SPAG16: variants seen among roughly 807,000 people sequenced by gnomAD.
The protein encoded by SPAG16 is sperm associated antigen 16.
In SPAG16, 86 loss-of-function variants were observed where a neutral mutation model predicts 80.4. The observed-to-expected ratio is 1.07, with a 90% CI of 0.90 to 1.28. SPAG16 has a LOEUF of 1.28. Ranked by LOEUF, SPAG16 falls within the 50% of genes most tolerant of loss-of-function variation. The pLI, the probability that SPAG16 is intolerant of heterozygous loss-of-function variation, is 0.00. For missense variants in SPAG16, 870 were observed against 765.3 expected (o/e 1.14, Z -1.61); for synonymous variants, 294 against 265.9 (o/e 1.11, Z -1.03).
At chr2:213,630,689 T>C (rs2062118035) in intron 10 of SPAG16, among the ~76,000 whole-genome samples, 1 of 152,102 alleles carries the variant, frequency 6.6e-6, no homozygotes, top group Non-Finnish European at 1.5e-5. Context: ...TTTAGAGACC[T>C]CCAAAACATA....
Position 213,715,230 on chromosome 2 carries a change from A to ATCTG in SPAG16, c.1071-147252_1071-147251insGTCT, listed in dbSNP as rs1559402568. Among the ~76,000 whole-genome samples the ATCTG allele has an allele frequency of 2.3e-4, 32 of 139,792 alleles. No individual in the cohort carries two copies. In the South Asian group the frequency reaches 3.3e-3, roughly 14 times the overall value. The allele number at this position is 139,792 out of a possible 152,430, so 91.7% of individuals were successfully genotyped here. On this transcript the variant is annotated intron_variant, in intron 10 of 15. Transcript: ENST00000331683. The stretch of plus-strand genomic sequence containing the variant: ...GTTAGGTAGATCTATCTGTCTATCT[A>ATCTG]TCTATCTATCTATCTATCTATCTAT...
chr2:214,377,527 A>G (rs1010532192), intron 15 of SPAG16, among the ~76,000 whole-genome samples: 1 of 152,144 alleles, frequency 6.6e-6, no homozygotes, highest in Admixed American at 6.6e-5. Flanking sequence ...TCTTAATAAC[A>G]TTTTCTTTTC....
chr2:213,718,761 C>A lies in SPAG16; in HGVS notation c.1071-143724C>A, dbSNP rs571822037. Among the ~76,000 whole-genome samples the A allele has an allele frequency of 2.0e-5, 3 of 152,312 alleles. No homozygotes were observed. In the East Asian group the frequency reaches 5.8e-4, roughly 29 times the overall value. The stretch of plus-strand genomic sequence containing the variant: ...GGCTCGGGACCTGCAGCCCGCCATG[C>A]CTGAGCCTCCCACCCACTCCATGGG... On this transcript the variant is annotated intron_variant, in intron 10 of 15. Coordinates refer to ENST00000331683, the MANE Select transcript of SPAG16 (RefSeq NM_024532.5).
intron 10 of SPAG16, among the ~76,000 whole-genome samples, chr2:213,608,160 A>G (rs1043478688): frequency 6.6e-6 from 1 of 152,000 alleles, no homozygotes; most frequent in African/African-American, 2.4e-5. Context: ...GATAGATATT[A>G]TACTTTCCAT....
At chr2:213,893,191 A>G (rs1276120163) in intron 11 of SPAG16, among the ~76,000 whole-genome samples, 3 of 152,208 alleles carry the variant, frequency 2.0e-5, no homozygotes, top group African/African-American at 2.4e-5. Context: ...GAAAATCACC[A>G]TACAAGAATA....
intron 6 of SPAG16, among the ~76,000 whole-genome samples, chr2:213,348,398 G>T (rs1310328139): frequency 6.6e-6 from 1 of 152,148 alleles, no homozygotes; most frequent in Non-Finnish European, 1.5e-5. Flanking sequence ...ATATTCTTAT[G>T]TGTGAATTTG....
intron 14 of SPAG16, among the ~76,000 whole-genome samples, chr2:214,143,165 TA>T (rs1457816196): frequency 6.6e-6 from 1 of 152,048 alleles, no homozygotes; most frequent in South Asian, 2.1e-4. Flanking sequence ...GCAACTTAAT[TA>T]AGCTTTCTGT....
intron 10 of SPAG16, among the ~76,000 whole-genome samples, chr2:213,635,140 T>C (rs999330219): frequency 2.0e-5 from 3 of 151,762 alleles, no homozygotes; most frequent in Non-Finnish European, 4.4e-5. Flanking sequence ...GTTCATGCCA[T>C]TCTCCTGCCT....
chr2:214,274,733 A>T (rs1011680111), intron 15 of SPAG16, among the ~76,000 whole-genome samples: 1 of 152,202 alleles, frequency 6.6e-6, no homozygotes, highest in Non-Finnish European at 1.5e-5. Context: ...ATCGATGTTC[A>T]TCAGGGATAT....
intron 15 of SPAG16, among the ~76,000 whole-genome samples, chr2:214,311,981 A>C (rs886614354): frequency 5.3e-5 from 8 of 152,198 alleles, no homozygotes; most frequent in African/African-American, 1.9e-4. Flanking sequence ...AACCTTTATC[A>C]AATGAAATGA....
chr2:214,170,659 G>A (rs537783154), intron 15 of SPAG16, among the ~76,000 whole-genome samples: 6 of 152,044 alleles, frequency 3.9e-5, no homozygotes, highest in South Asian at 2.1e-4. Flanking sequence ...TCAGGATATC[G>A]CAAGTACTGA....
At chr2:213,751,825 A>T (rs1452441211) in intron 10 of SPAG16, among the ~76,000 whole-genome samples, 1 of 152,198 alleles carries the variant, frequency 6.6e-6, no homozygotes. Context: ...CATCATCAGG[A>T]TAAAGAAATA....
intron 15 of SPAG16, among the ~76,000 whole-genome samples, chr2:214,302,950 C>T: frequency 6.6e-6 from 1 of 152,176 alleles, no homozygotes. Flanking sequence ...TACTCCTGTT[C>T]ACTTTTGTTT....
intron 15 of SPAG16, among the ~76,000 whole-genome samples, chr2:214,248,161 A>G (rs1167383395): frequency 6.6e-6 from 1 of 152,010 alleles, no homozygotes; most frequent in African/African-American, 2.4e-5. Flanking sequence ...AGAAAACAAC[A>G]TAAAGAAACA....
intron 15 of SPAG16, among the ~76,000 whole-genome samples, chr2:214,407,654 A>G (rs9808122): frequency 1.5e-3 from 221 of 152,222 alleles, no homozygotes; most frequent in African/African-American, 5.2e-3. Context: ...TTCTCTATAA[A>G]TGCTCCACTT....
chr2:214,275,802 A>G (rs1423410613), intron 15 of SPAG16, among the ~76,000 whole-genome samples: 3 of 152,188 alleles, frequency 2.0e-5, no homozygotes, highest in African/African-American at 7.2e-5. Context: ...GTAGATGTCT[A>G]TTAGGTCCAC....
At chr2:213,586,632 C>T (rs1273005348) in intron 10 of SPAG16, among the ~76,000 whole-genome samples, 1 of 152,134 alleles carries the variant, frequency 6.6e-6, no homozygotes, top group East Asian at 1.9e-4. Context: ...CCTTAAAGTC[C>T]AAGTTCAATG....
At chr2:213,737,768 G>A (rs1444490287) in intron 10 of SPAG16, among the ~76,000 whole-genome samples, 1 of 152,116 alleles carries the variant, frequency 6.6e-6, no homozygotes, top group African/African-American at 2.4e-5. Context: ...GATTACAGGC[G>A]TGAGCCACCG....
At chr2:214,407,921 A>G (rs1311293717) in intron 15 of SPAG16, among the ~76,000 whole-genome samples, 1 of 152,192 alleles carries the variant, frequency 6.6e-6, no homozygotes, top group East Asian at 1.9e-4. Context: ...TTATAAACTT[A>G]TATTCATTTT....
Sources: gnomAD v4.1 joint callset for allele counts (sites outside exome capture counted in the v4.1 genomes callset) on GRCh38, gnomAD v4.1.1 for gene constraint, MANE v1.5 for transcripts, NCBI Gene and HGNC (gene_info 2026-07-23, HGNC 2026-07-21) for gene names.